The following DOCK2 variants were observed in gnomAD, a reference collection of about 807,000 sequenced individuals.
DOCK2 encodes the protein dedicator of cytokinesis protein 2.
In DOCK2, 87 loss-of-function variants were observed where a neutral mutation model predicts 248.9. That is an observed-to-expected ratio of 0.35 (90% CI 0.29 to 0.42). DOCK2 has a LOEUF of 0.42. Among genes scored for constraint, DOCK2 ranks in the 10% least tolerant of loss-of-function variants. The pLI is 1.00. For missense variants in DOCK2, 1,747 were observed against 2,300.2 expected (o/e 0.76, Z 4.92); for synonymous variants, 805 against 821.6 (o/e 0.98, Z 0.35).
At chr5:169,732,929 G>A (rs262867) in intron 22 of DOCK2, among the ~76,000 whole-genome samples, 1 of 151,860 alleles carries the variant, frequency 6.6e-6, no homozygotes, top group African/African-American at 2.4e-5. Context: ...CTTACTGTAC[G>A]GGCTAGGAGT....
intron 27 of DOCK2, among the ~76,000 whole-genome samples, chr5:169,982,779 T>G (rs1777975934): frequency 6.6e-6 from 1 of 152,262 alleles, no homozygotes; most frequent in Non-Finnish European, 1.5e-5. Context: ...CGATTGGGAC[T>G]TACACATGTA....
chr5:170,050,217 T>A (rs757768803), intron 40 of DOCK2, 39 bp from the exon 41 acceptor site: 1 of 1,607,250 alleles, frequency 6.2e-7, no homozygotes, highest in Non-Finnish European at 8.5e-7. Context: ...TCTTCACACC[T>A]GGGTCCCCAA....
intron 25 of DOCK2, among the ~76,000 whole-genome samples, chr5:169,789,551 A>G (rs1766196782): frequency 6.6e-6 from 1 of 152,190 alleles, no homozygotes; most frequent in South Asian, 2.1e-4. Context: ...CATGTCTTTA[A>G]CTGATATTTA....
rs147043644 is a variant in DOCK2, at chr5:169,664,078, G to C, written c.128-5210G>C. On this transcript the variant is annotated intron_variant, in intron 2 of 51. Coordinates refer to ENST00000520908, the MANE Select transcript of DOCK2 (RefSeq NM_004946.3). ...GACTATATACTTTTAGAAACAGCCA[G>C]GTCAAATCTTGAATGCTATGCTGCT... Among the ~76,000 whole-genome samples, 32 of 152,294 alleles carry C rather than the reference G, an allele frequency of 2.1e-4. No individual in the cohort carries two copies. In the East Asian group the frequency reaches 5.8e-3, roughly 27 times the overall value.
At position 169,842,745 on chromosome 5, in the gene DOCK2, T is replaced by C. The variant is rs147094213; in HGVS notation, c.2799+1893T>C. ...GTGATTCTTTTAAATGGGGCCTGTG[T>C]CATAAGAAGCACTAAATAAGTGCTG... On this transcript the variant is annotated intron_variant, in intron 27 of 51. Transcript: ENST00000520908. Among the ~76,000 whole-genome samples the C allele has an allele frequency of 5.3e-3, 806 of 152,304 alleles. 6 individuals are homozygous for C. The highest frequency in any genetic ancestry group is 0.018 in the African/African-American group (767 of 41,546).
chr5:169,754,998 G>T lies in DOCK2; in HGVS notation c.2377-4707G>T, dbSNP rs186263845. 8.5e-3 allele frequency among the ~76,000 whole-genome samples: 1,269 copies of T among 149,996 alleles called. 23 individuals are homozygous for T. Among genetic ancestry groups the T allele is most frequent in the African/African-American group, 0.03 (1,205 of 40,666 alleles). On this transcript the variant is annotated intron_variant, in intron 23 of 51. Transcript: ENST00000520908. ...CTGTCACCCTGGCTGGAGTGCAGTG[G>T]CAAAAGACAGAACACTGTAGCCTCT...
At chr5:169,783,731 G>A (rs980672102) in intron 25 of DOCK2, among the ~76,000 whole-genome samples, 1 of 152,064 alleles carries the variant, frequency 6.6e-6, no homozygotes, top group Non-Finnish European at 1.5e-5. Flanking sequence ...TAATAATTAC[G>A]ATACTAGTTA....
intron 25 of DOCK2, among the ~76,000 whole-genome samples, chr5:169,779,961 G>A (rs1765605017): frequency 6.6e-6 from 1 of 151,880 alleles, no homozygotes; most frequent in East Asian, 1.9e-4. Flanking sequence ...CTCCCAGAGA[G>A]AGCTCTAACC....
intron 26 of DOCK2, among the ~76,000 whole-genome samples, chr5:169,832,270 T>A (rs1769273677): frequency 2.0e-5 from 3 of 152,256 alleles, no homozygotes; most frequent in African/African-American, 7.2e-5. Context: ...AACCCACATC[T>A]TCTTTTCCTT....
chr5:170,046,498 A>G (rs1756716840), intron 39 of DOCK2, among the ~76,000 whole-genome samples: 1 of 152,172 alleles, frequency 6.6e-6, no homozygotes, highest in Admixed American at 6.5e-5. Context: ...CTGCCTGAGC[A>G]GCAGGACCCC....
chr5:169,799,077 C>T (rs748229955), intron 25 of DOCK2, among the ~76,000 whole-genome samples: 8 of 152,190 alleles, frequency 5.3e-5, no homozygotes, highest in Non-Finnish European at 1.0e-4. Flanking sequence ...ATCTAGGGGA[C>T]AACCTGCGCA....
At chr5:169,849,610 C>T (rs1420991005) in intron 27 of DOCK2, among the ~76,000 whole-genome samples, 1 of 152,126 alleles carries the variant, frequency 6.6e-6, no homozygotes, top group Admixed American at 6.5e-5. Flanking sequence ...GGATTGATCT[C>T]CTAAATTCTG....
chr5:169,983,664 A>T (rs1777995920), intron 28 of DOCK2, among the ~76,000 whole-genome samples: 1 of 152,198 alleles, frequency 6.6e-6, no homozygotes, highest in Non-Finnish European at 1.5e-5. Context: ...TCATTAACAT[A>T]GAGCCCAGCC....
chr5:170,081,633 C>A, intron 50 of DOCK2: 1 of 601,202 alleles, frequency 1.7e-6, no homozygotes, highest in Non-Finnish European at 2.8e-6. Flanking sequence ...GAACCCTTGT[C>A]TGTAGGGTGG....
intron 30 of DOCK2, among the ~76,000 whole-genome samples, chr5:170,007,555 G>A (rs1457885225): frequency 6.6e-6 from 1 of 152,180 alleles, no homozygotes; most frequent in Non-Finnish European, 1.5e-5. Context: ...TTTGCAGACA[G>A]GTTTACCGAG....
chr5:169,657,810 T>C (rs1436287768), intron 2 of DOCK2, among the ~76,000 whole-genome samples: 1 of 152,238 alleles, frequency 6.6e-6, no homozygotes, highest in African/African-American at 2.4e-5. Flanking sequence ...GCCTAATGAT[T>C]GGCCAGTCCA....
chr5:169,661,768 A>G (rs984248044), intron 2 of DOCK2, among the ~76,000 whole-genome samples: 14 of 152,202 alleles, frequency 9.2e-5, no homozygotes, highest in African/African-American at 3.4e-4. Flanking sequence ...AGGTTCATCC[A>G]TGCTGTGACA....
At chr5:169,637,472 G>A (rs953305449) in intron 1 of DOCK2, 103 bp downstream of exon 1, 15 of 1,229,148 alleles carry the variant, frequency 1.2e-5, no homozygotes, top group Admixed American at 4.3e-5. Flanking sequence ...GGCAGGGCGC[G>A]CTGCCTGCAG....
chr5:170,065,704 A>G (rs1052280458), intron 44 of DOCK2, among the ~76,000 whole-genome samples: 1 of 152,148 alleles, frequency 6.6e-6, no homozygotes, highest in African/African-American at 2.4e-5. Flanking sequence ...TAAAAAAGGG[A>G]TCTTGTGAGA....
Sources: gnomAD v4.1 joint callset for allele counts (sites outside exome capture counted in the v4.1 genomes callset) on GRCh38, gnomAD v4.1.1 for gene constraint, MANE v1.5 for transcripts, NCBI Gene and HGNC (gene_info 2026-07-23, HGNC 2026-07-21) for gene names.